Variants in WNT3 observed in about 807,000 individuals in gnomAD.
WNT3 encodes Wnt family member 3, also known as proto-oncogene Wnt-3.
Under a neutral mutation model 34.2 loss-of-function variants are expected in WNT3, and 7 were observed. The ratio of observed to expected loss-of-function variants is 0.20; its 90% confidence interval spans 0.12 to 0.38. The LOEUF (loss-of-function observed/expected upper bound fraction) is 0.38. WNT3 is among the 10% of genes least tolerant of loss of function. WNT3 has a pLI of 1.00. For missense variants in WNT3, 267 were observed against 499.8 expected, an observed-to-expected ratio of 0.53 and a Z score of 4.44; for synonymous variants, 212 against 211.5, an observed-to-expected ratio of 1.00 and a Z score of -0.02.
At chr17:46,816,808 A>C (rs972645044) in intron 1 of WNT3, among the ~76,000 whole-genome samples, 1 of 151,810 alleles carries the variant, frequency 6.6e-6, no homozygotes, top group African/African-American at 2.4e-5. Flanking sequence ...CCCTCCCCCA[A>C]CCCACCAGAG....
At chr17:46,780,172 G>A (rs1413653805) in intron 1 of WNT3, among the ~76,000 whole-genome samples, 1 of 152,212 alleles carries the variant, frequency 6.6e-6, no homozygotes, top group African/African-American at 2.4e-5. Flanking sequence ...TGTACAGTGC[G>A]TCCTGCCTGA....
intron 2 of WNT3, among the ~76,000 whole-genome samples, chr17:46,773,115 G>A (rs1372722257): frequency 2.0e-5 from 3 of 152,120 alleles, no homozygotes; most frequent in Non-Finnish European, 4.4e-5. Context: ...AGACTCCCAG[G>A]CTGCAAGACG....
chr17:46,770,720 A>G (rs977397534), intron 2 of WNT3, among the ~76,000 whole-genome samples: 3 of 152,126 alleles, frequency 2.0e-5, no homozygotes, highest in African/African-American at 7.2e-5. Context: ...CCAGAAGGGT[A>G]GGGACACCGG....
chr17:46,806,738 G>T (rs1265848382), intron 1 of WNT3, among the ~76,000 whole-genome samples: 1 of 152,250 alleles, frequency 6.6e-6, no homozygotes. Flanking sequence ...CACATGTGTT[G>T]CCCAAGGGCA....
intron 1 of WNT3, 69 bp from the exon 2 acceptor site, chr17:46,773,978 G>T (rs138182928): frequency 6.4e-7 from 1 of 1,566,296 alleles, no homozygotes; most frequent in Non-Finnish European, 8.6e-7. Context: ...CACCATGGCC[G>T]CTTTGTGAAC....
intron 2 of WNT3, among the ~76,000 whole-genome samples, chr17:46,772,478 C>G (rs1399898887): frequency 6.6e-6 from 1 of 152,186 alleles, no homozygotes; most frequent in Non-Finnish European, 1.5e-5. Flanking sequence ...CTACCTGGCC[C>G]GAGGAGGGGC....
chr17:46,788,592 C>A (rs1201809481), intron 1 of WNT3, among the ~76,000 whole-genome samples: 1 of 152,240 alleles, frequency 6.6e-6, no homozygotes, highest in Admixed American at 6.5e-5. Context: ...ATTTCCCCAG[C>A]TCTTATACAT....
intron 1 of WNT3, among the ~76,000 whole-genome samples, chr17:46,806,412 T>A (rs1457240940): frequency 6.6e-6 from 1 of 152,114 alleles, no homozygotes; most frequent in Non-Finnish European, 1.5e-5. Context: ...TTTATCCATG[T>A]TGGTCAGGCT....
At chr17:46,771,206 G>C (rs1437056565) in intron 2 of WNT3, among the ~76,000 whole-genome samples, 1 of 152,206 alleles carries the variant, frequency 6.6e-6, no homozygotes, top group Non-Finnish European at 1.5e-5. Context: ...GAAGAGTGCA[G>C]AGCTGGTCCC....
In WNT3 at chr17:46,768,858, GCCTTCCCTCTCTGCCACTGCCCACCC is replaced by G; in HGVS notation, c.589-85_589-60del. 1 of 1,585,564 alleles carries G rather than the reference GCCTTCCCTCTCTGCCACTGCCCACCC, an allele frequency of 6.3e-7. No individual in the cohort carries two copies. Among genetic ancestry groups the G allele is most frequent in the African/African-American group, 1.3e-5 (1 of 74,796 alleles). On this transcript the variant is annotated intron_variant, in intron 3 of 4. Transcript: ENST00000225512. The surrounding 1 kb of genome is among the most constrained non-coding windows in gnomAD (Gnocchi z 5.0). ...CGACCCCACGAGGGGGCACATCCAG[GCCTTCCCTCTCTGCCACTGCCCACCC>G]CCTTCCCTCCAGCCTTCTCTACTCC...
intron 1 of WNT3, 100 bp from the exon 2 acceptor site, chr17:46,774,009 G>A (rs1223664903): frequency 6.7e-7 from 1 of 1,502,364 alleles, no homozygotes; most frequent in Non-Finnish European, 9.0e-7. Context: ...AGGTGGAGAG[G>A]CAGAGGGCCT....
intron 1 of WNT3, among the ~76,000 whole-genome samples, chr17:46,796,173 C>A (rs2084051744): frequency 6.6e-6 from 1 of 152,178 alleles, no homozygotes; most frequent in African/African-American, 2.4e-5. Context: ...GAGGACTCAA[C>A]TTCCTAATGA....
At chr17:46,785,142 C>T (rs940174182) in intron 1 of WNT3, among the ~76,000 whole-genome samples, 3 of 152,184 alleles carry the variant, frequency 2.0e-5, no homozygotes, top group Non-Finnish European at 4.4e-5. Flanking sequence ...CCCTTGGGGA[C>T]CCCTCTCTGA....
chr17:46,779,760 CTT>C (rs139495016), intron 1 of WNT3, among the ~76,000 whole-genome samples: 1 of 151,782 alleles, frequency 6.6e-6, no homozygotes, highest in African/African-American at 2.4e-5. Context: ...CAGAGAGGAC[CTT>C]TTTTTTTCTT....
At chr17:46,815,547 G>A (rs371215505) in intron 1 of WNT3, among the ~76,000 whole-genome samples, 8 of 152,194 alleles carry the variant, frequency 5.3e-5, no homozygotes, top group African/African-American at 1.7e-4. Flanking sequence ...ACTGCCAGGC[G>A]GGGGGCTGGG....
At chr17:46,803,889 C>G (rs992534060) in intron 1 of WNT3, among the ~76,000 whole-genome samples, 2 of 152,212 alleles carry the variant, frequency 1.3e-5, no homozygotes, top group African/African-American at 4.8e-5. Context: ...CATGGCGCAG[C>G]TGAAGAGGGT....
rs1434206955 is a variant in WNT3 at position 46,775,014 on chromosome 17, C to CA, written c.81-1106dup. 2.6e-5 allele frequency among the ~76,000 whole-genome samples: 4 copies of CA among 152,170 alleles called. No individual in the cohort carries two copies. In the East Asian group the frequency reaches 7.7e-4, roughly 29 times the overall value. On this transcript the variant is annotated intron_variant, in intron 1 of 4. Transcript: ENST00000225512. ...GCATTGGCCTAAGTCAAGTTTCCCA[C>CA]AAAAAGTGATGGGCAAAAGCCTCGG... is the stretch of plus-strand genomic sequence containing the variant.
intron 2 of WNT3, among the ~76,000 whole-genome samples, chr17:46,772,215 C>G (rs1314057154): frequency 6.6e-6 from 1 of 152,234 alleles, no homozygotes; most frequent in Admixed American, 6.5e-5. Context: ...CTCTCCTCGC[C>G]GCCGCCAGCA....
chr17:46,812,329 C>T (rs2084287289), intron 1 of WNT3, among the ~76,000 whole-genome samples: 1 of 152,014 alleles, frequency 6.6e-6, no homozygotes, highest in Non-Finnish European at 1.5e-5. Flanking sequence ...CATACCTCCA[C>T]CCCCCTACCC....
Sources: allele counts gnomAD v4.1 joint callset (sites outside exome capture counted in the v4.1 genomes callset), GRCh38; gene constraint gnomAD v4.1.1; non-coding constraint Gnocchi (gnomAD v3.1); transcripts MANE v1.5; gene names NCBI Gene and HGNC (gene_info 2026-07-23, HGNC 2026-07-21).